Variants in SNX29 observed in about 807,000 individuals in gnomAD.
SNX29 encodes sorting nexin-29.
In SNX29, 78 loss-of-function variants were observed where a neutral mutation model predicts 102.1. That is an observed-to-expected ratio of 0.76 (90% CI 0.64 to 0.92). The LOEUF (loss-of-function observed/expected upper bound fraction) is 0.92. Ranked by LOEUF, SNX29 falls within the 40% of genes least tolerant of loss-of-function variation. SNX29 has a pLI of 0.00. For synonymous variants in SNX29, 580 were observed against 414.5 expected, an observed-to-expected ratio of 1.40 and a Z score of -4.85; for missense variants, 1,280 against 1,061.7, an observed-to-expected ratio of 1.21 and a Z score of -2.86.
At position 12,572,833 on chromosome 16, in the gene SNX29, C is replaced by A. The variant is rs2079216625; in HGVS notation, c.*4204C>A. On this transcript the variant is annotated 3_prime_UTR_variant, in exon 21 of 21. Transcript: ENST00000566228. ...TGGTTAGGAGGCATCCCAGAAGGGG[C>A]AGCCTCATGCCCAGGTTTCAGCCCT... The A allele has an allele frequency of 3.8e-6, 4 of 1,063,606 alleles. No individual in the cohort carries two copies. Among genetic ancestry groups the A allele is most frequent in the Non-Finnish European group, 4.6e-6 (4 of 878,250 alleles). 65.9% of individuals were successfully genotyped at this position (1,063,606 alleles called of 1,614,324 possible). A position where few individuals can be genotyped will look rare whatever the true frequency, so the allele number is the denominator to read the frequency against.
chr16:12,348,972 C>T (rs2081912326), intron 15 of SNX29, among the ~76,000 whole-genome samples: 1 of 152,190 alleles, frequency 6.6e-6, no homozygotes, highest in Non-Finnish European at 1.5e-5. Flanking sequence ...TCTGGGAAGA[C>T]AGCGCCCTTA....
chr16:12,492,737 C>T (rs1316524297), intron 19 of SNX29, among the ~76,000 whole-genome samples: 6 of 152,180 alleles, frequency 3.9e-5, no homozygotes, highest in African/African-American at 1.4e-4. Context: ...CCAGTTTCAG[C>T]TTTCTACATA....
At chr16:12,112,786 A>G (rs1704117) in intron 11 of SNX29, among the ~76,000 whole-genome samples, 22,875 of 152,156 alleles carry the variant, frequency 0.15, 2,966 homozygotes, top group African/African-American at 0.35. Context: ...TCAATAGCCT[A>G]CTGTCCTTAG....
chr16:12,384,877 A>G (rs1419705636), intron 16 of SNX29, among the ~76,000 whole-genome samples: 4 of 152,186 alleles, frequency 2.6e-5, no homozygotes, highest in East Asian at 3.9e-4. Flanking sequence ...CACATATAAA[A>G]AGTGCTGTGG....
intron 11 of SNX29, among the ~76,000 whole-genome samples, chr16:12,114,786 A>G (rs1056388237): frequency 6.6e-6 from 1 of 152,032 alleles, no homozygotes; most frequent in African/African-American, 2.4e-5. Flanking sequence ...ACGGGGTTTC[A>G]GCATGTTGGC....
chr16:12,192,892 G>C (rs1395093398), intron 13 of SNX29, among the ~76,000 whole-genome samples: 1 of 152,108 alleles, frequency 6.6e-6, no homozygotes, highest in East Asian at 1.9e-4. Context: ...AGTAGAGGCA[G>C]GGTTTCACCA....
At chr16:12,077,584 A>C (rs2051641069) in intron 10 of SNX29, among the ~76,000 whole-genome samples, 1 of 152,148 alleles carries the variant, frequency 6.6e-6, no homozygotes, top group Non-Finnish European at 1.5e-5. Flanking sequence ...CAGTGCTCCT[A>C]GGGGAAGTAC....
At chr16:12,530,927 A>G (rs573896908) in intron 20 of SNX29, among the ~76,000 whole-genome samples, 394 of 152,288 alleles carry the variant, frequency 2.6e-3, no homozygotes, top group African/African-American at 9.2e-3. Flanking sequence ...TGGCTGTTTC[A>G]TAATTTATTT....
At chr16:12,562,370 T>A (rs1442176887) in intron 20 of SNX29, among the ~76,000 whole-genome samples, 1 of 141,240 alleles carries the variant, frequency 7.1e-6, no homozygotes, top group African/African-American at 2.8e-5. Context: ...GCTTGCACCA[T>A]TTTTTAAAAC....
At chr16:12,202,764 A>G (rs77979236) in intron 14 of SNX29, among the ~76,000 whole-genome samples, 661 of 152,358 alleles carry the variant, frequency 4.3e-3, no homozygotes, top group Middle Eastern at 6.8e-3. Context: ...TTTTGGGCTT[A>G]TTGCTGAAAT....
chr16:12,163,947 GA>G (rs1181921177), intron 13 of SNX29, among the ~76,000 whole-genome samples: 1 of 152,144 alleles, frequency 6.6e-6, no homozygotes, highest in Non-Finnish European at 1.5e-5. Context: ...ACAAGTAATT[GA>G]AAAATGAGGT....
At chr16:12,370,095 G>A (rs1200189326) in intron 16 of SNX29, among the ~76,000 whole-genome samples, 1 of 151,580 alleles carries the variant, frequency 6.6e-6, no homozygotes, top group Non-Finnish European at 1.5e-5. Context: ...GGTAGCATGT[G>A]CCCTTAATCC....
chr16:12,045,071 T>C lies in SNX29; in HGVS notation c.429-1313T>C, dbSNP rs1172226783. Among the ~76,000 whole-genome samples, 11 of 152,206 alleles carry C rather than the reference T, an allele frequency of 7.2e-5. No individual in the cohort carries two copies. In the East Asian group the frequency reaches 1.9e-3, roughly 27 times the overall value. ...CCCAGCTGGATGTTGGGAAAACACA[T>C]TCATTTAGATGCACGAAAACAGGCT... On this transcript the variant is annotated intron_variant, in intron 5 of 20. Transcript: ENST00000566228.
chr16:12,069,642 G>T (rs1316417090), intron 10 of SNX29, among the ~76,000 whole-genome samples: 4 of 152,154 alleles, frequency 2.6e-5, no homozygotes, highest in African/African-American at 9.7e-5. Context: ...GATGGTAGAT[G>T]ACGAATGTCA....
intron 10 of SNX29, among the ~76,000 whole-genome samples, chr16:12,076,388 C>T (rs1404513268): frequency 6.6e-6 from 1 of 151,920 alleles, no homozygotes; most frequent in Non-Finnish European, 1.5e-5. Context: ...GCAACATCCG[C>T]CTCCTGGGTT....
At chr16:12,179,276 G>C (rs139824954) in intron 13 of SNX29, among the ~76,000 whole-genome samples, 2 of 152,326 alleles carry the variant, frequency 1.3e-5, no homozygotes, top group African/African-American at 4.8e-5. Context: ...TTGAGTTCAG[G>C]AGTTCGAGAT....
intron 15 of SNX29, among the ~76,000 whole-genome samples, chr16:12,314,959 G>A (rs1009362982): frequency 6.6e-5 from 10 of 152,320 alleles, no homozygotes; most frequent in South Asian, 2.1e-4. Context: ...ATTATTAATG[G>A]ATGTGGTATT....
At chr16:12,456,506 C>CATGTGTGT (rs1555543125) in intron 18 of SNX29, among the ~76,000 whole-genome samples, 6 of 148,842 alleles carry the variant, frequency 4.0e-5, no homozygotes, top group African/African-American at 1.5e-4. Flanking sequence ...CATGTGTGCA[C>CATGTGTGT]GTGTGTGTGT....
intron 20 of SNX29, among the ~76,000 whole-genome samples, chr16:12,551,088 CTT>C (rs979995191): frequency 2.6e-5 from 4 of 152,146 alleles, no homozygotes; most frequent in African/African-American, 7.2e-5. Context: ...GTGATCCTCT[CTT>C]TGCTTGGATG....
Sources: gnomAD v4.1 joint callset for allele counts (sites outside exome capture counted in the v4.1 genomes callset) on GRCh38, gnomAD v4.1.1 for gene constraint, MANE v1.5 for transcripts, NCBI Gene and HGNC (gene_info 2026-07-23, HGNC 2026-07-21) for gene names.